ABL2: variants seen among roughly 807,000 people sequenced by gnomAD.
ABL2 encodes ABL proto-oncogene 2, non-receptor tyrosine kinase.
In ABL2, 49 loss-of-function variants were observed where a neutral mutation model predicts 107.7. The observed-to-expected ratio is 0.45, with a 90% CI of 0.36 to 0.58. ABL2 has a LOEUF of 0.58. Ranked by LOEUF, ABL2 falls within the 20% of genes least tolerant of loss-of-function variation. The probability of loss-of-function intolerance (pLI) is 0.00; values close to 1 mark genes in which losing one functional copy is unlikely to be tolerated. For missense variants in ABL2, 1,245 were observed against 1,457.0 expected (o/e 0.85, Z 2.37); for synonymous variants, 549 against 548.6 (o/e 1.00, Z -0.01).
intron 1 of ABL2, among the ~76,000 whole-genome samples, chr1:179,225,941 G>A (rs1663171533): frequency 2.0e-5 from 3 of 150,884 alleles, no homozygotes; most frequent in African/African-American, 7.3e-5. Flanking sequence ...CTGCTCGGGA[G>A]GCTGAGGCAG....
At chr1:179,215,972 A>G (rs1662541102) in intron 1 of ABL2, among the ~76,000 whole-genome samples, 1 of 152,238 alleles carries the variant, frequency 6.6e-6, no homozygotes, top group Non-Finnish European at 1.5e-5. Flanking sequence ...ACATGTGTAC[A>G]TATTATGTAT....
chr1:179,164,370 CTTATT>C (rs991744557), intron 1 of ABL2, among the ~76,000 whole-genome samples: 1 of 152,156 alleles, frequency 6.6e-6, no homozygotes, highest in Non-Finnish European at 1.5e-5. Flanking sequence ...AATTTCCACA[CTTATT>C]TTAGATATAA....
At chr1:179,223,018 G>C (rs1188799061) in intron 1 of ABL2, among the ~76,000 whole-genome samples, 1 of 150,624 alleles carries the variant, frequency 6.6e-6, no homozygotes, top group East Asian at 2.0e-4. Context: ...GCTGAGGCAG[G>C]TGAATTGCTT....
intron 1 of ABL2, 91 bp downstream of exon 1, chr1:179,229,150 A>G (rs1571362310): frequency 7.6e-7 from 1 of 1,320,224 alleles, no homozygotes; most frequent in Non-Finnish European, 1.0e-6. Flanking sequence ...CCACCCTCCG[A>G]CCCCTCGGGC....
At chr1:179,129,722 A>G (rs1466500087) in intron 3 of ABL2, among the ~76,000 whole-genome samples, 2 of 151,666 alleles carry the variant, frequency 1.3e-5, no homozygotes, top group African/African-American at 4.8e-5. Flanking sequence ...CTTTTGTTCT[A>G]TCCTCAAATT....
chr1:179,186,587 G>T (rs1250971634), intron 1 of ABL2, among the ~76,000 whole-genome samples: 1 of 151,718 alleles, frequency 6.6e-6, no homozygotes, highest in Non-Finnish European at 1.5e-5. Context: ...CACCATGTTG[G>T]CCAGGCTGGT....
chr1:179,182,708 T>A (rs1660447149), intron 1 of ABL2, among the ~76,000 whole-genome samples: 1 of 152,248 alleles, frequency 6.6e-6, no homozygotes. Context: ...TCTTAATTGC[T>A]AGCTTTATGG....
chr1:179,184,501 A>C, intron 1 of ABL2: 1 of 748,676 alleles, frequency 1.3e-6, no homozygotes, highest in Non-Finnish European at 2.2e-6. Context: ...TTCATCAAAG[A>C]TGACATTTGT....
rs1341395057 is a variant in ABL2, at chr1:179,229,649, G to A, written c.-252C>T. The A allele has an allele frequency of 4.2e-6, 2 of 480,616 alleles. No individual in the cohort carries two copies. Among genetic ancestry groups the A allele is most frequent in the Non-Finnish European group, 3.6e-6 (1 of 281,396 alleles). The allele number at this position is 480,616 out of a possible 1,614,324, so 29.8% of individuals were successfully genotyped here. On this transcript the variant is annotated 5_prime_UTR_variant, in exon 1 of 12. Coordinates refer to ENST00000502732, the MANE Select transcript of ABL2 (RefSeq NM_007314.4). ...CGCCCCCAACGCCGCCGCCGCCGCC[G>A]CCGCCACCGCCGCCGCCATCTTTAA...
chr1:179,138,249 A>T (rs1657223920), intron 1 of ABL2, among the ~76,000 whole-genome samples: 1 of 152,168 alleles, frequency 6.6e-6, no homozygotes, highest in Non-Finnish European at 1.5e-5. Flanking sequence ...AGAGTTTTCC[A>T]GTGGCTGTCA....
intron 1 of ABL2, among the ~76,000 whole-genome samples, chr1:179,136,334 C>T (rs1237258127): frequency 6.6e-6 from 1 of 151,822 alleles, no homozygotes; most frequent in Non-Finnish European, 1.5e-5. Flanking sequence ...AAGAGGTAGA[C>T]ATGGGAGACT....
chr1:179,179,670 G>A (rs1660257563), intron 1 of ABL2, among the ~76,000 whole-genome samples: 1 of 152,118 alleles, frequency 6.6e-6, no homozygotes, highest in African/African-American at 2.4e-5. Context: ...TACACAAAAC[G>A]CAGAGAAGCC....
intron 4 of ABL2, among the ~76,000 whole-genome samples, chr1:179,123,664 C>T (rs1212515283): frequency 4.6e-5 from 7 of 152,112 alleles, no homozygotes; most frequent in African/African-American, 1.2e-4. Flanking sequence ...GGGTCTCACT[C>T]GGTTGCCCGG....
chr1:179,229,126 C>T, intron 1 of ABL2, 115 bp downstream of exon 1: 4 of 1,316,854 alleles, frequency 3.0e-6, no homozygotes, highest in South Asian at 3.0e-5. Flanking sequence ...TCCGCCCCCA[C>T]TCTCAGGCAC....
chr1:179,121,546 G>A, intron 5 of ABL2, 49 bp downstream of exon 5: 4 of 1,581,998 alleles, frequency 2.5e-6, no homozygotes, highest in Non-Finnish European at 3.4e-6. Flanking sequence ...CCAAGTGATT[G>A]AGCACAAAAG....
Position 179,171,041 on chromosome 1 carries a change from C to T in ABL2, c.158-37667G>A, listed in dbSNP as rs542813604. Among the ~76,000 whole-genome samples the T allele has an allele frequency of 7.9e-5, 12 of 152,252 alleles. 1 individual carries two copies. The South Asian group carries it at 2.5e-3, about 32-fold the overall frequency. ...TTAAAAAAATAATAATAATCCCCAA[C>T]GTAGTTGTATTTAGAATTAAATGAA... On this transcript the variant is annotated intron_variant, in intron 1 of 11. Coordinates refer to ENST00000502732, the MANE Select transcript of ABL2 (RefSeq NM_007314.4).
chr1:179,191,719 C>T (rs1029773950), intron 1 of ABL2, among the ~76,000 whole-genome samples: 2 of 152,024 alleles, frequency 1.3e-5, no homozygotes, highest in Non-Finnish European at 2.9e-5. Context: ...CCACCTTGTC[C>T]GGCCTCTGAA....
At chr1:179,165,425 G>A (rs1055785175) in intron 1 of ABL2, among the ~76,000 whole-genome samples, 1 of 151,568 alleles carries the variant, frequency 6.6e-6, no homozygotes, top group African/African-American at 2.4e-5. Context: ...AATACGTTTT[G>A]GAAATTAAAA....
chr1:179,099,448 C>T lies in ABL2; in HGVS notation c.*8270G>A. 4.6e-6 allele frequency: 1 copy of T among 218,226 alleles called. No homozygotes were observed. Among genetic ancestry groups the T allele is most frequent in the East Asian group, 6.8e-5 (1 of 14,758 alleles). 13.5% of individuals were successfully genotyped at this position (218,226 alleles called of 1,614,324 possible). On this transcript the variant is annotated 3_prime_UTR_variant, in exon 12 of 12. Coordinates refer to ENST00000502732, the MANE Select transcript of ABL2 (RefSeq NM_007314.4). ...TCATTTATTTACATCAAGTTTAACA[C>T]TGTTAGCAGTTCACAGTCAGACAAC... is the stretch of plus-strand genomic sequence containing the variant.
Sources: gnomAD v4.1 joint callset for allele counts (sites outside exome capture counted in the v4.1 genomes callset) on GRCh38, gnomAD v4.1.1 for gene constraint, MANE v1.5 for transcripts, NCBI Gene and HGNC (gene_info 2026-07-23, HGNC 2026-07-21) for gene names.